LDB2: variants seen among roughly 807,000 people sequenced by gnomAD.
LDB2 encodes the protein LIM domain-binding protein 2.
A neutral mutation model predicts 44.3 loss-of-function variants in LDB2; 12 were observed. That is an observed-to-expected ratio of 0.27 (90% CI 0.17 to 0.44). The LOEUF (loss-of-function observed/expected upper bound fraction) is 0.44. LDB2 is among the 20% of genes least tolerant of loss of function. The pLI, the probability that LDB2 is intolerant of heterozygous loss-of-function variation, is 1.00. For synonymous variants in LDB2, 164 were observed against 174.8 expected, an observed-to-expected ratio of 0.94 and a Z score of 0.49; for missense variants, 344 against 473.5, an observed-to-expected ratio of 0.73 and a Z score of 2.54.
intron 2 of LDB2, among the ~76,000 whole-genome samples, chr4:16,609,355 G>GC (rs1553923643): frequency 1.3e-5 from 2 of 148,886 alleles, no homozygotes; most frequent in Admixed American, 6.6e-5. Context: ...AGGGGGCGGG[G>GC]GGGGGAGGGG....
Position 16,766,446 on chromosome 4 carries a change from GTATATATATACACACACATATA to G in LDB2, c.133-7208_133-7187del, listed in dbSNP as rs1561156298. ...TATATATAAATGTATGTATGTGTGT[GTATATATATACACACACATATA>G]TGTGTGTGTGTGTGTGTGTGTGTGT... On this transcript the variant is annotated intron_variant, in intron 1 of 7. Transcript: ENST00000304523. Among the ~76,000 whole-genome samples, 20 of 146,288 alleles carry G rather than the reference GTATATATATACACACACATATA, an allele frequency of 1.4e-4. No individual in the cohort carries two copies. The East Asian group carries it at 3.6e-3, about 26-fold the overall frequency.
At chr4:16,747,927 A>T (rs1764712949) in intron 2 of LDB2, among the ~76,000 whole-genome samples, 1 of 152,214 alleles carries the variant, frequency 6.6e-6, no homozygotes, top group Admixed American at 6.5e-5. Flanking sequence ...ATAGCAAATG[A>T]TGCATTTTTC....
chr4:16,565,611 C>T (rs144524281), intron 5 of LDB2, among the ~76,000 whole-genome samples: 1,925 of 151,790 alleles, frequency 0.013, 44 homozygotes, highest in African/African-American at 0.044. Flanking sequence ...CACTATTATT[C>T]AACATTTTTT....
chr4:16,790,965 C>T (rs1471901141), intron 1 of LDB2, among the ~76,000 whole-genome samples: 1 of 152,102 alleles, frequency 6.6e-6, no homozygotes, highest in Non-Finnish European at 1.5e-5. Context: ...CACACCAGGC[C>T]CTTTCTTCAC....
At chr4:16,644,701 AT>A (rs1461064128) in intron 2 of LDB2, among the ~76,000 whole-genome samples, 1 of 152,200 alleles carries the variant, frequency 6.6e-6, no homozygotes, top group Non-Finnish European at 1.5e-5. Context: ...AAGTGCTGGG[AT>A]TATAGGCATG....
chr4:16,630,946 T>C (rs556436327), intron 2 of LDB2, among the ~76,000 whole-genome samples: 76 of 152,292 alleles, frequency 5.0e-4, no homozygotes, highest in Non-Finnish European at 5.3e-4. Context: ...AGCAAGTTCT[T>C]AGAGACCTGC....
chr4:16,639,261 A>C (rs1281824914), intron 2 of LDB2, among the ~76,000 whole-genome samples: 1 of 152,212 alleles, frequency 6.6e-6, no homozygotes, highest in Non-Finnish European at 1.5e-5. Flanking sequence ...AAAATAATTT[A>C]AAGGTTAAAA....
At chr4:16,530,927 A>G (rs1729924888) in intron 5 of LDB2, among the ~76,000 whole-genome samples, 1 of 152,154 alleles carries the variant, frequency 6.6e-6, no homozygotes. Flanking sequence ...GATTTAAGTG[A>G]CTCACCATTC....
Position 16,746,846 on chromosome 4 carries a change from A to G in LDB2, c.235+12312T>C, listed in dbSNP as rs975362396. Among the ~76,000 whole-genome samples, 8 of 152,324 alleles carry G rather than the reference A, an allele frequency of 5.3e-5. No homozygotes were observed. In the East Asian group the frequency reaches 1.5e-3, roughly 29 times the overall value. On this transcript the variant is annotated intron_variant, in intron 2 of 7. Transcript: ENST00000304523. ...TAGGAAGTGAAATGTAATCATATGCATTCCTAATTTCCGGGGAATGGGTCA... is the reference window on the plus strand; with the variant it reads ...TAGGAAGTGAAATGTAATCATATGCGTTCCTAATTTCCGGGGAATGGGTCA...
At chr4:16,659,635 A>G (rs996323617) in intron 2 of LDB2, among the ~76,000 whole-genome samples, 6 of 97,866 alleles carry the variant, frequency 6.1e-5, no homozygotes, top group African/African-American at 2.0e-4. Context: ...CATAGTTTAT[A>G]TATATACACA....
chr4:16,890,896 G>A (rs943194264), intron 1 of LDB2, among the ~76,000 whole-genome samples: 1 of 152,188 alleles, frequency 6.6e-6, no homozygotes, highest in East Asian at 1.9e-4. Context: ...TCTGCAGACA[G>A]ACAGGATGTG....
intron 1 of LDB2, among the ~76,000 whole-genome samples, chr4:16,873,931 C>T (rs1315210707): frequency 3.3e-5 from 5 of 152,108 alleles, no homozygotes; most frequent in African/African-American, 7.2e-5. Flanking sequence ...TTGTGAAAGG[C>T]TTCTTCTATT....
At chr4:16,692,630 A>G (rs556425909) in intron 2 of LDB2, among the ~76,000 whole-genome samples, 1 of 152,006 alleles carries the variant, frequency 6.6e-6, no homozygotes, top group Non-Finnish European at 1.5e-5. Flanking sequence ...GAACCTCTTC[A>G]AGTTTGGAAT....
intron 7 of LDB2, chr4:16,507,061 C>T (rs1719753043): frequency 6.6e-6 from 1 of 152,074 alleles, no homozygotes; most frequent in African/African-American, 2.4e-5. Flanking sequence ...TAACTTGATA[C>T]TTTTTTAATA....
intron 2 of LDB2, among the ~76,000 whole-genome samples, chr4:16,596,400 AGGACTGAG>A (rs1364262521): frequency 2.5e-4 from 38 of 152,270 alleles, no homozygotes; most frequent in African/African-American, 7.7e-4. Flanking sequence ...AAGAGAGTGC[AGGACTGAG>A]ATCCGAAAAT....
At chr4:16,739,785 A>T (rs1332651231) in intron 2 of LDB2, among the ~76,000 whole-genome samples, 1 of 143,472 alleles carries the variant, frequency 7.0e-6, no homozygotes, top group African/African-American at 2.5e-5. Flanking sequence ...AATAGATTGC[A>T]TTTTATACCT....
chr4:16,502,996 A>C, intron 7 of LDB2, 123 bp from the exon 8 acceptor site: 3 of 1,600,410 alleles, frequency 1.9e-6, no homozygotes, highest in Non-Finnish European at 2.6e-6. Context: ...CAACGGGGTC[A>C]AGTCTCAATG....
intron 3 of LDB2, among the ~76,000 whole-genome samples, chr4:16,590,374 G>A (rs577703031): frequency 1.3e-5 from 2 of 152,278 alleles, no homozygotes; most frequent in East Asian, 1.9e-4. Flanking sequence ...ACTGAAGAGA[G>A]AATGTAAGTA....
intron 7 of LDB2, among the ~76,000 whole-genome samples, chr4:16,505,615 C>T (rs1461725583): frequency 6.6e-6 from 1 of 151,262 alleles, no homozygotes; most frequent in Non-Finnish European, 1.5e-5. Context: ...ACATTTCCCC[C>T]CCATTTTGTT....
Sources: gnomAD v4.1 joint callset for allele counts (sites outside exome capture counted in the v4.1 genomes callset) on GRCh38, gnomAD v4.1.1 for gene constraint, MANE v1.5 for transcripts, NCBI Gene and HGNC (gene_info 2026-07-23, HGNC 2026-07-21) for gene names.